The following NXPH2 variants were observed in gnomAD, a reference collection of about 807,000 sequenced individuals.
NXPH2 encodes neurexophilin 2.
Under a neutral mutation model 19.8 loss-of-function variants are expected in NXPH2, and 5 were observed. That is an observed-to-expected ratio of 0.25 (90% CI 0.13 to 0.53). The LOEUF is 0.53. Ranked by LOEUF, NXPH2 falls within the 20% of genes least tolerant of loss-of-function variation. NXPH2 has a pLI of 0.96. For missense variants in NXPH2, 289 were observed against 322.8 expected (o/e 0.90, Z 0.80); for synonymous variants, 154 against 127.4 (o/e 1.21, Z -1.41).
intron 1 of NXPH2, among the ~76,000 whole-genome samples, chr2:138,740,318 A>T (rs1422504188): frequency 6.6e-6 from 1 of 152,142 alleles, no homozygotes; most frequent in East Asian, 1.9e-4. Flanking sequence ...TCATTTTTCA[A>T]CTTTCTGGCT....
chr2:138,721,657 T>C (rs1255183191), intron 1 of NXPH2, among the ~76,000 whole-genome samples: 1 of 152,072 alleles, frequency 6.6e-6, no homozygotes, highest in Non-Finnish European at 1.5e-5. Context: ...AAAAAACTAA[T>C]TTAGAAAAAG....
chr2:138,739,702 A>G (rs1001760226), intron 1 of NXPH2, among the ~76,000 whole-genome samples: 8 of 152,202 alleles, frequency 5.3e-5, no homozygotes, highest in Non-Finnish European at 8.8e-5. Context: ...CAAGCAAGGA[A>G]ATAACATCTG....
chr2:138,688,340 C>T (rs1479035275), intron 1 of NXPH2, among the ~76,000 whole-genome samples: 4 of 152,272 alleles, frequency 2.6e-5, no homozygotes, highest in South Asian at 4.1e-4. Context: ...CGTGCCACCA[C>T]GCCTAACTTT....
intron 1 of NXPH2, among the ~76,000 whole-genome samples, chr2:138,704,815 C>A (rs1035252322): frequency 3.0e-5 from 4 of 134,264 alleles, no homozygotes; most frequent in African/African-American, 1.1e-4. Context: ...CACCACCACG[C>A]CCAGCTAATT....
intron 1 of NXPH2, among the ~76,000 whole-genome samples, chr2:138,728,654 G>C (rs576574175): frequency 6.6e-6 from 1 of 152,266 alleles, no homozygotes; most frequent in Non-Finnish European, 1.5e-5. Flanking sequence ...TTATAAATGT[G>C]TCCTGTAGTT....
intron 1 of NXPH2, among the ~76,000 whole-genome samples, chr2:138,738,625 T>C (rs566560774): frequency 3.3e-5 from 5 of 152,204 alleles, no homozygotes; most frequent in Non-Finnish European, 5.9e-5. Flanking sequence ...TGTTCTATTC[T>C]CTCTTTTACA....
At chr2:138,771,825 C>T (rs940398724) in intron 1 of NXPH2, among the ~76,000 whole-genome samples, 1 of 152,154 alleles carries the variant, frequency 6.6e-6, no homozygotes, top group Non-Finnish European at 1.5e-5. Context: ...GTGAATGGCA[C>T]CTGTGGCTCT....
At chr2:138,694,481 G>A (rs13353355) in intron 1 of NXPH2, among the ~76,000 whole-genome samples, 17,073 of 152,136 alleles carry the variant, frequency 0.11, 1,316 homozygotes, top group Non-Finnish European at 0.17. Flanking sequence ...TGAAGATGGA[G>A]TCAGAGATTG....
chr2:138,673,363 GCA>G (rs1207289077), intron 1 of NXPH2, among the ~76,000 whole-genome samples: 11 of 152,048 alleles, frequency 7.2e-5, no homozygotes, highest in Admixed American at 7.2e-4. Flanking sequence ...TTCTGATTTT[GCA>G]CACTTTTTTC....
At chr2:138,739,477 A>C (rs1255538561) in intron 1 of NXPH2, among the ~76,000 whole-genome samples, 1 of 152,180 alleles carries the variant, frequency 6.6e-6, no homozygotes, top group Non-Finnish European at 1.5e-5. Flanking sequence ...ATATGGAATG[A>C]CCTAAGCTGT....
At chr2:138,762,369 C>T (rs1451702086) in intron 1 of NXPH2, among the ~76,000 whole-genome samples, 1 of 152,174 alleles carries the variant, frequency 6.6e-6, no homozygotes, top group Non-Finnish European at 1.5e-5. Flanking sequence ...TCATTAATAG[C>T]ATTCAAAGAT....
intron 1 of NXPH2, among the ~76,000 whole-genome samples, chr2:138,760,678 C>T (rs1031851349): frequency 2.6e-5 from 4 of 152,154 alleles, no homozygotes; most frequent in African/African-American, 9.7e-5. Context: ...AGGTTCCTGG[C>T]GGTTCCTGGC....
chr2:138,690,975 C>T (rs527312319), intron 1 of NXPH2, among the ~76,000 whole-genome samples: 107 of 152,312 alleles, frequency 7.0e-4, no homozygotes, highest in African/African-American at 2.6e-3. Flanking sequence ...TAAACTCACA[C>T]AGGGATAGTT....
intron 1 of NXPH2, among the ~76,000 whole-genome samples, chr2:138,690,116 T>A (rs1455072884): frequency 6.6e-6 from 1 of 152,210 alleles, no homozygotes; most frequent in East Asian, 1.9e-4. Context: ...CGTTTTCTAC[T>A]CCCTTGGCAC....
chr2:138,719,247 G>GT (rs1431404450), intron 1 of NXPH2, among the ~76,000 whole-genome samples: 3 of 151,730 alleles, frequency 2.0e-5, no homozygotes, highest in African/African-American at 4.8e-5. Flanking sequence ...TATACTTAAG[G>GT]TAAAAAAAAG....
chr2:138,695,906 T>C (rs534768504), intron 1 of NXPH2, among the ~76,000 whole-genome samples: 1 of 152,050 alleles, frequency 6.6e-6, no homozygotes, highest in Non-Finnish European at 1.5e-5. Flanking sequence ...TCCTCCATTG[T>C]GAGAAGGTGA....
At chr2:138,713,616 T>C (rs1681141313) in intron 1 of NXPH2, among the ~76,000 whole-genome samples, 1 of 152,076 alleles carries the variant, frequency 6.6e-6, no homozygotes, top group South Asian at 2.1e-4. Flanking sequence ...TGTGTGTGTG[T>C]GTGTGTTTTA....
intron 1 of NXPH2, among the ~76,000 whole-genome samples, chr2:138,679,318 GT>G (rs1441428783): frequency 5.3e-5 from 8 of 152,012 alleles, no homozygotes; most frequent in Non-Finnish European, 8.8e-5. Context: ...CTAGGCCAGT[GT>G]TTAGCAAGTC....
intron 1 of NXPH2, among the ~76,000 whole-genome samples, chr2:138,731,773 A>G (rs1265875339): frequency 6.6e-6 from 1 of 152,036 alleles, no homozygotes; most frequent in Non-Finnish European, 1.5e-5. Context: ...AAGTAGGGCC[A>G]TTGGACCAGC....
Sources: gnomAD v4.1 joint callset for allele counts (sites outside exome capture counted in the v4.1 genomes callset) on GRCh38, gnomAD v4.1.1 for gene constraint, MANE v1.5 for transcripts, NCBI Gene and HGNC (gene_info 2026-07-23, HGNC 2026-07-21) for gene names.